The following MBOAT2 variants were observed in gnomAD, a reference collection of about 807,000 sequenced individuals.
The protein encoded by MBOAT2 is membrane bound glycerophospholipid O-acyltransferase 2, also known as membrane-bound glycerophospholipid O-acyltransferase 2.
In MBOAT2, 28 loss-of-function variants were observed where a neutral mutation model predicts 63.4. That is an observed-to-expected ratio of 0.44 (90% CI 0.33 to 0.61). The LOEUF (loss-of-function observed/expected upper bound fraction) is 0.61. Among genes scored for constraint, MBOAT2 ranks in the 20% least tolerant of loss-of-function variants. The probability of loss-of-function intolerance (pLI) is 0.03; values close to 1 mark genes in which losing one functional copy is unlikely to be tolerated. For missense variants in MBOAT2, 470 were observed against 605.8 expected (o/e 0.78, Z 2.35); for synonymous variants, 211 against 215.6 (o/e 0.98, Z 0.19).
chr2:8,947,204 C>A, intron 2 of MBOAT2, among the ~76,000 whole-genome samples: 1 of 152,212 alleles, frequency 6.6e-6, no homozygotes, highest in Non-Finnish European at 1.5e-5. Context: ...AAAGCCTAGT[C>A]CAGATCAAGA....
At chr2:8,899,828 T>C (rs200317459) in intron 4 of MBOAT2, among the ~76,000 whole-genome samples, 117 of 142,974 alleles carry the variant, frequency 8.2e-4, no homozygotes, top group Admixed American at 1.0e-3. Context: ...CTGATCTCGC[T>C]TTTCCTTTTG....
chr2:8,990,794 T>C (rs960713509), intron 1 of MBOAT2, among the ~76,000 whole-genome samples: 2 of 152,198 alleles, frequency 1.3e-5, no homozygotes, highest in Non-Finnish European at 2.9e-5. Flanking sequence ...TTTACCAAAA[T>C]TTTCCTTTAC....
At chr2:8,889,377 CG>C (rs926054363) in intron 4 of MBOAT2, among the ~76,000 whole-genome samples, 2 of 152,180 alleles carry the variant, frequency 1.3e-5, no homozygotes, top group African/African-American at 4.8e-5. Context: ...CCTCAACTAA[CG>C]GGAAGGTCTC....
intron 9 of MBOAT2, among the ~76,000 whole-genome samples, chr2:8,867,534 T>A (rs1661988519): frequency 6.6e-6 from 1 of 152,214 alleles, no homozygotes; most frequent in South Asian, 2.1e-4. Context: ...GTCTGTGATT[T>A]GAAGATATTA....
rs532148915 is a variant in MBOAT2, at chr2:8,996,012, C to T, written c.75+7528G>A. Reference sequence around the variant, plus strand: ...AGGGGCCCTGTCGAAAATGCAGACTCCCTGGCCCTCATTGGGTATACCCTG... The same window carrying T: ...AGGGGCCCTGTCGAAAATGCAGACTTCCTGGCCCTCATTGGGTATACCCTG... On this transcript the variant is annotated intron_variant, in intron 1 of 12. Transcript: ENST00000305997. Among the ~76,000 whole-genome samples the T allele has an allele frequency of 1.2e-4, 18 of 152,316 alleles. No individual in the cohort carries two copies. The South Asian group carries it at 3.1e-3, about 26-fold the overall frequency.
intron 1 of MBOAT2, among the ~76,000 whole-genome samples, chr2:8,963,697 A>C (rs1264357328): frequency 6.6e-6 from 1 of 152,270 alleles, no homozygotes; most frequent in Admixed American, 6.5e-5. Context: ...AAGAAATACT[A>C]GTAAGTGAAA....
intron 2 of MBOAT2, among the ~76,000 whole-genome samples, chr2:8,956,235 A>C (rs938132963): frequency 6.6e-6 from 1 of 152,204 alleles, no homozygotes; most frequent in African/African-American, 2.4e-5. Context: ...GAGCCTACAA[A>C]AGAAAGTACT....
chr2:8,924,770 G>A (rs1048841893), intron 3 of MBOAT2, among the ~76,000 whole-genome samples: 4 of 150,150 alleles, frequency 2.7e-5, no homozygotes, highest in South Asian at 2.1e-4. Flanking sequence ...AGATAATGAA[G>A]TCACTTAATT....
At chr2:8,949,530 T>G (rs917066086) in intron 2 of MBOAT2, among the ~76,000 whole-genome samples, 1 of 152,036 alleles carries the variant, frequency 6.6e-6, no homozygotes, top group Non-Finnish European at 1.5e-5. Flanking sequence ...TGGTGAAAGG[T>G]AGGGGTCCAG....
At chr2:8,986,309 C>T (rs1573252173) in intron 1 of MBOAT2, among the ~76,000 whole-genome samples, 1 of 151,418 alleles carries the variant, frequency 6.6e-6, no homozygotes, top group South Asian at 2.1e-4. Context: ...GGCATGGTGG[C>T]TCATATCTAT....
chr2:8,900,471 T>C (rs532138311), intron 4 of MBOAT2, among the ~76,000 whole-genome samples: 1 of 152,294 alleles, frequency 6.6e-6, no homozygotes, highest in Admixed American at 6.5e-5. Flanking sequence ...AGGTCTGCCT[T>C]GATCTGCTTT....
Position 8,978,957 on chromosome 2 carries a change from C to T in MBOAT2, c.76-20315G>A, listed in dbSNP as rs558750432. 8.4e-4 allele frequency among the ~76,000 whole-genome samples: 127 copies of T among 151,876 alleles called. 1 individual carries two copies. The highest frequency in any genetic ancestry group is 1.6e-3 in the Non-Finnish European group (107 of 67,970). ...CACACTCATGTGTGAGATGTGCTTT[C>T]CTCAAACCTTTTTTACAACATCAGC... On this transcript the variant is annotated intron_variant, in intron 1 of 12. Coordinates refer to ENST00000305997, the MANE Select transcript of MBOAT2 (RefSeq NM_138799.4).
intron 1 of MBOAT2, among the ~76,000 whole-genome samples, chr2:8,992,492 T>C (rs1437539041): frequency 6.6e-6 from 1 of 152,264 alleles, no homozygotes; most frequent in East Asian, 1.9e-4. Context: ...ATGTATATAT[T>C]GTAGTTTTAG....
chr2:8,918,015 G>A (rs896410931), intron 3 of MBOAT2, among the ~76,000 whole-genome samples: 1 of 152,166 alleles, frequency 6.6e-6, no homozygotes, highest in Non-Finnish European at 1.5e-5. Flanking sequence ...TTCTAGAGCA[G>A]GCTAAATTGA....
Position 8,982,400 on chromosome 2 carries a change from T to C in MBOAT2, c.75+21140A>G, listed in dbSNP as rs1017428613. Among the ~76,000 whole-genome samples, 84 of 152,288 alleles carry C rather than the reference T, an allele frequency of 5.5e-4. 1 individual carries two copies. The highest frequency in any genetic ancestry group is 1.8e-3 in the African/African-American group (73 of 41,574). On this transcript the variant is annotated intron_variant, in intron 1 of 12. Coordinates refer to ENST00000305997, the MANE Select transcript of MBOAT2 (RefSeq NM_138799.4). Reference sequence around the variant, plus strand: ...TAAACACAACAGCCAGAACCAAAAATGCTAATTCATAAAAATCAATTCTAG... The same window carrying C: ...TAAACACAACAGCCAGAACCAAAAACGCTAATTCATAAAAATCAATTCTAG...
chr2:8,958,971 A>C lies in MBOAT2; in HGVS notation c.76-329T>G, dbSNP rs146789662. ...AAAAGCCCAGGGCACCTATCGGTTA[A>C]AGGGAAGAGAAACGTGTTTTAATGA... is the stretch of plus-strand genomic sequence containing the variant. On this transcript the variant is annotated intron_variant, in intron 1 of 12. Coordinates refer to ENST00000305997, the MANE Select transcript of MBOAT2 (RefSeq NM_138799.4). 2.0e-5 allele frequency among the ~76,000 whole-genome samples: 3 copies of C among 152,326 alleles called. No homozygotes were observed. The East Asian group carries it at 5.8e-4, about 29-fold the overall frequency.
chr2:8,962,888 A>C (rs781169624), intron 1 of MBOAT2, among the ~76,000 whole-genome samples: 1 of 152,128 alleles, frequency 6.6e-6, no homozygotes, highest in African/African-American at 2.4e-5. Flanking sequence ...TGTAACAAAG[A>C]GTTAGTATTC....
At chr2:8,930,088 T>G (rs541109521) in intron 3 of MBOAT2, among the ~76,000 whole-genome samples, 1 of 152,294 alleles carries the variant, frequency 6.6e-6, no homozygotes, top group Non-Finnish European at 1.5e-5. Context: ...AAACACAATT[T>G]GTAAAATCTT....
At chr2:8,860,557 C>T (rs1661422156) in intron 12 of MBOAT2, 56 bp downstream of exon 12, 1 of 1,558,912 alleles carries the variant, frequency 6.4e-7, no homozygotes, top group African/African-American at 1.4e-5. Flanking sequence ...TAGCAAGAAA[C>T]TTTCTTTTGA....
Sources: allele counts gnomAD v4.1 joint callset (sites outside exome capture counted in the v4.1 genomes callset), GRCh38; gene constraint gnomAD v4.1.1; transcripts MANE v1.5; gene names NCBI Gene and HGNC (gene_info 2026-07-23, HGNC 2026-07-21).